GLI3: variants seen among roughly 807,000 people sequenced by gnomAD.
The protein encoded by GLI3 is transcription activator GLI3.
In GLI3, 20 loss-of-function variants were observed where a neutral mutation model predicts 100.8. The observed-to-expected ratio is 0.20, with a 90% CI of 0.14 to 0.29. The LOEUF is 0.29. Ranked by LOEUF, GLI3 falls within the 10% of genes least tolerant of loss-of-function variation. The pLI is 1.00. For missense variants in GLI3, 2,040 were observed against 2,128.5 expected (o/e 0.96, Z 0.82); for synonymous variants, 938 against 860.5 (o/e 1.09, Z -1.58).
chr7:41,996,632 T>C (rs1429431696), intron 10 of GLI3, among the ~76,000 whole-genome samples: 2 of 152,306 alleles, frequency 1.3e-5, no homozygotes, highest in Non-Finnish European at 2.9e-5. Context: ...GGGGAAAGAA[T>C]TATCTAATCC....
At chr7:42,054,903 G>A (rs945842188) in intron 4 of GLI3, among the ~76,000 whole-genome samples, 4 of 151,836 alleles carry the variant, frequency 2.6e-5, no homozygotes, top group African/African-American at 9.7e-5. Context: ...GCTGAGGCAG[G>A]AGGATCACTT....
chr7:42,219,271 C>T (rs1055749761), intron 2 of GLI3, among the ~76,000 whole-genome samples: 3 of 152,174 alleles, frequency 2.0e-5, no homozygotes, highest in African/African-American at 4.8e-5. Context: ...TCATCTCCTT[C>T]GTCATTTACA....
chr7:41,963,340 T>C lies in GLI3; in HGVS notation c.*990A>G, dbSNP rs1476292289. On this transcript the variant is annotated 3_prime_UTR_variant, in exon 15 of 15. Transcript: ENST00000395925. ...CCTATATACTTAGAGCTATATATAA[T>C]CAATTCTCAGTTAAAATGGGAAAGA... 1 of 152,204 alleles carries C rather than the reference T, an allele frequency of 6.6e-6. No homozygotes were observed. 9.4% of individuals were successfully genotyped at this position (152,204 alleles called of 1,614,324 possible).
chr7:42,182,686 A>ATATG (rs1787637985), intron 2 of GLI3, among the ~76,000 whole-genome samples: 4 of 100,004 alleles, frequency 4.0e-5, no homozygotes, highest in Admixed American at 9.8e-5. Flanking sequence ...ATATATACAC[A>ATATG]TGTGTGTATA....
chr7:42,178,208 G>A (rs1462342187), intron 2 of GLI3, among the ~76,000 whole-genome samples: 1 of 152,190 alleles, frequency 6.6e-6, no homozygotes, highest in African/African-American at 2.4e-5. Flanking sequence ...AAGCTCCAGG[G>A]AAGACAGTCA....
rs373918907 is a variant in GLI3, at chr7:42,078,752, C to T, written c.368-1895G>A. ...TTTTTTTTTTTTTTTTTTTTTGAGA[C>T]GGAGTCTCACTCAGTCACCCAGACT... On this transcript the variant is annotated intron_variant, in intron 3 of 14. Coordinates refer to ENST00000395925, the MANE Select transcript of GLI3 (RefSeq NM_000168.6). 1.8e-3 allele frequency among the ~76,000 whole-genome samples: 217 copies of T among 122,894 alleles called. 1 individual carries two copies. Among genetic ancestry groups the T allele is most frequent in the African/African-American group, 6.2e-3 (198 of 32,060 alleles). 80.6% of individuals were successfully genotyped at this position (122,894 alleles called of 152,430 possible). A position where few individuals can be genotyped will look rare whatever the true frequency, so the allele number is the denominator to read the frequency against.
At chr7:42,082,728 T>C (rs1204898007) in intron 3 of GLI3, among the ~76,000 whole-genome samples, 1 of 152,210 alleles carries the variant, frequency 6.6e-6, no homozygotes, top group African/African-American at 2.4e-5. Flanking sequence ...GCTGTGGTTC[T>C]AGCATACTCT....
intron 5 of GLI3, among the ~76,000 whole-genome samples, chr7:42,048,014 G>C (rs1014917770): frequency 1.3e-5 from 2 of 152,186 alleles, no homozygotes. Context: ...TAGAGTTTGG[G>C]AAGCCCTCCT....
At chr7:41,979,108 A>G (rs1192784267) in intron 10 of GLI3, among the ~76,000 whole-genome samples, 1 of 152,092 alleles carries the variant, frequency 6.6e-6, no homozygotes, top group Non-Finnish European at 1.5e-5. Context: ...AATCTCTGTC[A>G]TTTTTCCTTG....
At chr7:42,252,635 C>T (rs575011590) in intron 1 of GLI3, among the ~76,000 whole-genome samples, 7 of 152,124 alleles carry the variant, frequency 4.6e-5, no homozygotes, top group South Asian at 4.2e-4. Context: ...GAGAAAGCTA[C>T]GTTTTCTTTA....
rs1320381307 is a variant in GLI3, at chr7:42,015,536, A to G, written c.1497+7932T>C. Among the ~76,000 whole-genome samples the G allele has an allele frequency of 2.6e-5, 4 of 152,236 alleles. No individual in the cohort carries two copies. The East Asian group carries it at 7.7e-4, about 29-fold the overall frequency. ...CCGGAGCTCTGTTTTATGTCAAAGC[A>G]GGAGCCTGATCTCCAACTCTGCTTG... On this transcript the variant is annotated intron_variant, in intron 10 of 14. Transcript: ENST00000395925.
chr7:42,161,440 G>A (rs567064250), intron 2 of GLI3, among the ~76,000 whole-genome samples: 8 of 152,272 alleles, frequency 5.3e-5, no homozygotes, highest in South Asian at 2.1e-4. Flanking sequence ...CAGAAAAGTC[G>A]TGTTGTCCTC....
In GLI3 at chr7:42,210,126, G is replaced by A. The variant is rs114327177; in HGVS notation, c.124+13004C>T. ...GGGTTTTGGGATTGCTGGTGAAGAC[G>A]CCCCGCTGTCGAACATGGTTCATTT... is the stretch of plus-strand genomic sequence containing the variant. On this transcript the variant is annotated intron_variant, in intron 2 of 14. Coordinates refer to ENST00000395925, the MANE Select transcript of GLI3 (RefSeq NM_000168.6). 1.7e-3 allele frequency among the ~76,000 whole-genome samples: 256 copies of A among 151,168 alleles called. 1 individual carries two copies. Among genetic ancestry groups the A allele is most frequent in the African/African-American group, 5.9e-3 (244 of 41,242 alleles).
At chr7:42,218,108 G>A (rs1452390591) in intron 2 of GLI3, among the ~76,000 whole-genome samples, 1 of 152,124 alleles carries the variant, frequency 6.6e-6, no homozygotes, top group Admixed American at 6.5e-5. Context: ...AACATCCTAT[G>A]ATCTGAAATC....
At chr7:42,239,633 TCTTA>T (rs908152372), upstream of GLI3, among the ~76,000 whole-genome samples, 3 of 152,228 alleles carry the variant, frequency 2.0e-5, no homozygotes, top group Admixed American at 6.5e-5. Context: ...ATATTTCGAC[TCTTA>T]CTTCAGTCTT....
chr7:42,182,658 A>ATATATATATATATATATACGTGTGTGTG (rs1554337016), intron 2 of GLI3, among the ~76,000 whole-genome samples: 1 of 56,052 alleles, frequency 1.8e-5, no homozygotes, highest in Non-Finnish European at 3.4e-5. Context: ...ATATATATAT[A>ATATATATATATATATATACGTGTGTGTG]TATATATATA....
intron 2 of GLI3, among the ~76,000 whole-genome samples, chr7:42,172,896 A>G (rs2128677493): frequency 6.6e-6 from 1 of 152,342 alleles, no homozygotes; most frequent in Non-Finnish European, 1.5e-5. Context: ...CAATTATGAA[A>G]ACAGACTTGG....
At chr7:42,089,527 T>C (rs1785172591) in intron 3 of GLI3, among the ~76,000 whole-genome samples, 1 of 152,208 alleles carries the variant, frequency 6.6e-6, no homozygotes, top group African/African-American at 2.4e-5. Flanking sequence ...AGCCATCCTT[T>C]CTACTGAGTT....
intron 2 of GLI3, among the ~76,000 whole-genome samples, chr7:42,171,669 C>G (rs929691765): frequency 2.0e-5 from 3 of 152,332 alleles, no homozygotes; most frequent in South Asian, 4.1e-4. Context: ...GGACTTGCAG[C>G]TTCTCAACTT....
Sources: gnomAD v4.1 joint callset for allele counts (sites outside exome capture counted in the v4.1 genomes callset) on GRCh38, gnomAD v4.1.1 for gene constraint, MANE v1.5 for transcripts, NCBI Gene and HGNC (gene_info 2026-07-23, HGNC 2026-07-21) for gene names.